Variants in PDZD2 observed in about 807,000 individuals in gnomAD.
PDZD2 encodes the protein PDZ domain containing 2.
In PDZD2, 90 loss-of-function variants were observed where a neutral mutation model predicts 220.7. The observed-to-expected ratio is 0.41, with a 90% CI of 0.34 to 0.49. The LOEUF is 0.49. Among genes scored for constraint, PDZD2 ranks in the 20% least tolerant of loss-of-function variants. The pLI is 0.28. For synonymous variants in PDZD2, 1,375 were observed against 1,450.5 expected (o/e 0.95, Z 1.18); for missense variants, 3,174 against 3,608.5 (o/e 0.88, Z 3.08).
At chr5:32,010,164 T>G (rs1458065002) in intron 5 of PDZD2, among the ~76,000 whole-genome samples, 166 bp from the exon 6 acceptor site, 1 of 152,090 alleles carries the variant, frequency 6.6e-6, no homozygotes, top group East Asian at 1.9e-4. Context: ...TGGGTTTAAA[T>G]TGGGTCCACA....
At chr5:31,721,039 T>G (rs146573250) in intron 1 of PDZD2, among the ~76,000 whole-genome samples, 2 of 152,120 alleles carry the variant, frequency 1.3e-5, no homozygotes, top group South Asian at 4.2e-4. Flanking sequence ...TGGAGTGCGC[T>G]GCTTCCTATG....
intron 1 of PDZD2, among the ~76,000 whole-genome samples, chr5:31,691,903 A>T (rs931563153): frequency 3.3e-5 from 5 of 152,210 alleles, no homozygotes; most frequent in Non-Finnish European, 5.9e-5. Context: ...AGCTAGACAT[A>T]AAGGTTCTCC....
intron 1 of PDZD2, among the ~76,000 whole-genome samples, chr5:31,748,265 A>G (rs16901514): frequency 0.068 from 10,290 of 152,248 alleles, 411 homozygotes; most frequent in Middle Eastern, 0.19. Context: ...TGTTGTTGTC[A>G]CATCTATTTG....
At chr5:31,779,710 G>A (rs116610086) in intron 1 of PDZD2, among the ~76,000 whole-genome samples, 431 of 152,158 alleles carry the variant, frequency 2.8e-3, no homozygotes, top group African/African-American at 1.0e-2. Flanking sequence ...AACAGAACCT[G>A]TTCAGTTTGT....
At chr5:31,983,068 T>C (rs551957103) in intron 2 of PDZD2, 87 bp from the exon 3 acceptor site, 53 of 1,424,682 alleles carry the variant, frequency 3.7e-5, no homozygotes, top group Non-Finnish European at 4.4e-5. Flanking sequence ...TGGTCGTCAC[T>C]TGGGTGGACC....
intron 2 of PDZD2, among the ~76,000 whole-genome samples, chr5:31,816,170 C>T (rs533802905): frequency 5.3e-5 from 8 of 151,820 alleles, no homozygotes; most frequent in Non-Finnish European, 8.8e-5. Flanking sequence ...CGCCTGTAGT[C>T]CCAGCTACTC....
intron 2 of PDZD2, among the ~76,000 whole-genome samples, chr5:31,944,328 G>A (rs1746455431): frequency 6.6e-6 from 1 of 152,192 alleles, no homozygotes; most frequent in Non-Finnish European, 1.5e-5. Flanking sequence ...GCCCAGGACA[G>A]CGTGGTATGT....
chr5:31,860,924 A>G (rs933202929), intron 2 of PDZD2, among the ~76,000 whole-genome samples: 1 of 152,150 alleles, frequency 6.6e-6, no homozygotes, highest in African/African-American at 2.4e-5. Flanking sequence ...GGTCAGGTGG[A>G]CATGGAAGCA....
At chr5:31,962,032 A>G (rs576798736) in intron 2 of PDZD2, among the ~76,000 whole-genome samples, 1 of 152,314 alleles carries the variant, frequency 6.6e-6, no homozygotes, top group African/African-American at 2.4e-5. Context: ...ACAGGGTATC[A>G]ATAGTCTCTG....
rs537661557 is a variant in PDZD2 at position 31,739,575 on chromosome 5, A to T, written c.-360-59314A>T. Among the ~76,000 whole-genome samples the T allele has an allele frequency of 1.8e-3, 281 of 152,246 alleles. 4 individuals carry two copies. The highest frequency in any genetic ancestry group is 6.1e-3 in the African/African-American group (255 of 41,554). ...GAAAATGGGATTAAAAGATAAAAAT[A>T]AAAAAAAGATAAACTTTATTTCCCA... On this transcript the variant is annotated intron_variant, in intron 1 of 24. Transcript: ENST00000438447.
chr5:31,982,301 C>CTATT (rs1750359703), intron 2 of PDZD2, among the ~76,000 whole-genome samples: 1 of 152,090 alleles, frequency 6.6e-6, no homozygotes. Context: ...AGCCAGTTGC[C>CTATT]TGTTTGTTTT....
At chr5:31,855,068 G>T in intron 2 of PDZD2, 1 of 985,482 alleles carries the variant, frequency 1.0e-6, no homozygotes, top group Non-Finnish European at 1.2e-6. Flanking sequence ...GGGGCGCGGA[G>T]ACCGGCCTGG....
chr5:31,737,167 CTTTTTTTTTT>C (rs57379430), intron 1 of PDZD2, among the ~76,000 whole-genome samples: 1 of 66,300 alleles, frequency 1.5e-5, no homozygotes, highest in South Asian at 7.6e-4. Flanking sequence ...CAGTCTACTT[CTTTTTTTTTT>C]TTTTTTTTTT....
chr5:31,679,236 A>T (rs1214058026), intron 1 of PDZD2, among the ~76,000 whole-genome samples: 3 of 152,236 alleles, frequency 2.0e-5, no homozygotes, highest in African/African-American at 7.2e-5. Flanking sequence ...TCCATGCTGG[A>T]TTGGCACAGA....
At chr5:31,872,997 C>G (rs1220952651) in intron 2 of PDZD2, among the ~76,000 whole-genome samples, 1 of 152,068 alleles carries the variant, frequency 6.6e-6, no homozygotes, top group Admixed American at 6.6e-5. Context: ...TATAAATAAT[C>G]TAGTTTTGTG....
At chr5:31,937,330 GAGA>G (rs1745839085) in intron 2 of PDZD2, among the ~76,000 whole-genome samples, 1 of 152,174 alleles carries the variant, frequency 6.6e-6, no homozygotes, top group Non-Finnish European at 1.5e-5. Flanking sequence ...TGGTCAGCCT[GAGA>G]AGAACGTCAG....
chr5:31,654,332 C>G (rs967476469), intron 1 of PDZD2, among the ~76,000 whole-genome samples: 1 of 152,130 alleles, frequency 6.6e-6, no homozygotes, highest in South Asian at 2.1e-4. Context: ...CCTGGTGCCG[C>G]AGGAGCATTC....
intron 17 of PDZD2, among the ~76,000 whole-genome samples, 199 bp downstream of exon 17, chr5:32,072,516 A>T (rs1337641061): frequency 6.6e-6 from 1 of 152,162 alleles, no homozygotes; most frequent in African/African-American, 2.4e-5. Flanking sequence ...GGATCACTTG[A>T]GGTTAGGAGT....
At chr5:31,701,897 A>G (rs755731796) in intron 1 of PDZD2, among the ~76,000 whole-genome samples, 1 of 152,234 alleles carries the variant, frequency 6.6e-6, no homozygotes, top group Non-Finnish European at 1.5e-5. Flanking sequence ...AGTCTAAAAT[A>G]TCTGATCTGG....
Sources: gnomAD v4.1 joint callset for allele counts (sites outside exome capture counted in the v4.1 genomes callset) on GRCh38, gnomAD v4.1.1 for gene constraint, MANE v1.5 for transcripts, NCBI Gene and HGNC (gene_info 2026-07-23, HGNC 2026-07-21) for gene names.